RFX8: variants seen among roughly 807,000 people sequenced by gnomAD.
RFX8 encodes the protein DNA-binding protein RFX8.
In RFX8, 46 loss-of-function variants were observed where a neutral mutation model predicts 54.6. That is an observed-to-expected ratio of 0.84 (90% CI 0.67 to 1.08). The LOEUF (loss-of-function observed/expected upper bound fraction) is 1.08. RFX8 is among the 50% of genes least tolerant of loss of function. RFX8 has a pLI of 0.00. For missense variants in RFX8, 536 were observed against 562.3 expected (o/e 0.95, Z 0.47); for synonymous variants, 192 against 209.5 (o/e 0.92, Z 0.72).
intron 9 of RFX8, among the ~76,000 whole-genome samples, chr2:101,409,991 A>G (rs1354209160): frequency 6.6e-6 from 1 of 152,178 alleles, no homozygotes; most frequent in Non-Finnish European, 1.5e-5. Context: ...AAACCTGCCC[A>G]TATCGACAAC....
intron 2 of RFX8, among the ~76,000 whole-genome samples, chr2:101,439,060 G>A (rs1687944349): frequency 6.6e-6 from 1 of 152,146 alleles, no homozygotes; most frequent in South Asian, 2.1e-4. Flanking sequence ...TGATCCACCT[G>A]CCTCAGTCTC....
intron 2 of RFX8, among the ~76,000 whole-genome samples, chr2:101,458,386 C>T (rs1390883892): frequency 6.6e-6 from 1 of 152,168 alleles, no homozygotes; most frequent in African/African-American, 2.4e-5. Context: ...CCTTCAGGAG[C>T]TCTTGTAAGA....
At chr2:101,474,242 C>T in intron 1 of RFX8, 1 of 613,690 alleles carries the variant, frequency 1.6e-6, no homozygotes, top group South Asian at 1.7e-5. Context: ...CTACCCTCGC[C>T]GCTCGACGGC....
chr2:101,422,648 C>A (rs1686933164), intron 2 of RFX8, among the ~76,000 whole-genome samples, 176 bp from the exon 3 acceptor site: 1 of 152,122 alleles, frequency 6.6e-6, no homozygotes, highest in South Asian at 2.1e-4. Context: ...CCAAATGCTG[C>A]TAATTTTTGT....
intron 2 of RFX8, among the ~76,000 whole-genome samples, chr2:101,437,573 C>G (rs1193225153): frequency 2.3e-5 from 3 of 129,988 alleles, no homozygotes; most frequent in Non-Finnish European, 4.9e-5. Flanking sequence ...ACAGGTGTTT[C>G]AAAAAAAAGA....
At chr2:101,398,111 G>C (rs1685226427) in intron 11 of RFX8, among the ~76,000 whole-genome samples, 1 of 152,190 alleles carries the variant, frequency 6.6e-6, no homozygotes, top group Non-Finnish European at 1.5e-5. Context: ...ACCTGCCTCA[G>C]CCTCCCAAAG....
intron 1 of RFX8, among the ~76,000 whole-genome samples, chr2:101,467,908 CAA>C (rs1304797325): frequency 6.6e-6 from 1 of 152,018 alleles, no homozygotes; most frequent in Non-Finnish European, 1.5e-5. Flanking sequence ...AATTTTTAAA[CAA>C]AGAGGAATAT....
At chr2:101,462,305 G>A (rs1011207878) in intron 2 of RFX8, among the ~76,000 whole-genome samples, 24 of 152,108 alleles carry the variant, frequency 1.6e-4, no homozygotes, top group African/African-American at 5.8e-4. Context: ...GGTGGCACAC[G>A]TGTAGTCCCA....
chr2:101,415,620 C>T (rs1413603754), intron 6 of RFX8, among the ~76,000 whole-genome samples: 2 of 11,196 alleles, frequency 1.8e-4, no homozygotes, highest in African/African-American at 3.3e-4. Flanking sequence ...TCCTCTTGAA[C>T]GCATTCATTC....
At chr2:101,443,661 G>A (rs1359974424) in intron 2 of RFX8, among the ~76,000 whole-genome samples, 1 of 152,156 alleles carries the variant, frequency 6.6e-6, no homozygotes, top group Non-Finnish European at 1.5e-5. Context: ...AATGTGGTGG[G>A]TTCCCTGGGT....
intron 7 of RFX8, among the ~76,000 whole-genome samples, chr2:101,414,594 T>C (rs1473319663): frequency 2.0e-5 from 3 of 152,088 alleles, no homozygotes; most frequent in Admixed American, 6.5e-5. Context: ...CTTTTAAGTG[T>C]TGACCTGCCT....
At chr2:101,447,288 G>A (rs1281175052) in intron 2 of RFX8, among the ~76,000 whole-genome samples, 1 of 152,008 alleles carries the variant, frequency 6.6e-6, no homozygotes, top group Non-Finnish European at 1.5e-5. Flanking sequence ...AAACCGCAAG[G>A]CTGAATTTTC....
intron 2 of RFX8, among the ~76,000 whole-genome samples, chr2:101,439,682 C>T (rs1433524029): frequency 1.3e-5 from 2 of 149,720 alleles, no homozygotes; most frequent in Non-Finnish European, 3.0e-5. Flanking sequence ...AATTTTGTAC[C>T]TTTGTCAAAA....
At chr2:101,459,988 G>A (rs1666049164) in intron 2 of RFX8, among the ~76,000 whole-genome samples, 1 of 152,120 alleles carries the variant, frequency 6.6e-6, no homozygotes, top group African/African-American at 2.4e-5. Context: ...CTCGCAGGTC[G>A]ATCTCAGACT....
chr2:101,436,068 C>T (rs1244674687), intron 2 of RFX8, among the ~76,000 whole-genome samples: 1 of 152,128 alleles, frequency 6.6e-6, no homozygotes, highest in African/African-American at 2.4e-5. Context: ...CATCTGTGGG[C>T]ACCCTCTTCT....
chr2:101,474,112 G>A lies in RFX8; in HGVS notation c.-53+524C>T, dbSNP rs115799352. On this transcript the variant is annotated intron_variant, in intron 1 of 11. Transcript: ENST00000428343. ...GCTCCTCACACCCGGCTTTGACCCG[G>A]CGTCCCGAGGGCAGCCGTAGCGGGA... 2.5e-3 allele frequency: 1,331 copies of A among 528,436 alleles called. 18 individuals carry two copies. The highest frequency in any genetic ancestry group is 0.025 in the African/African-American group (1,227 of 49,382). 32.7% of individuals were successfully genotyped at this position (528,436 alleles called of 1,614,324 possible). A position where few individuals can be genotyped will look rare whatever the true frequency, so the allele number is the denominator to read the frequency against.
intron 2 of RFX8, among the ~76,000 whole-genome samples, chr2:101,455,695 G>T (rs971608138): frequency 3.9e-5 from 6 of 152,182 alleles, no homozygotes. Flanking sequence ...TCTTGGCTAT[G>T]CAGGCTCCTT....
In RFX8 at chr2:101,452,279, G is replaced by C; in HGVS notation, c.72+14498C>G. ...GAATTGTGGACACTCTTTGGTAAGA[G>C]TTGTTATTTATAGTTTGTTTTGTTT... is the stretch of plus-strand genomic sequence containing the variant. On this transcript the variant is annotated intron_variant, in intron 2 of 11. Transcript: ENST00000428343. 3 of 606,652 alleles carry C rather than the reference G, an allele frequency of 4.9e-6. 1 individual carries two copies. The highest frequency in any genetic ancestry group is 7.0e-5 in the Admixed American group (2 of 28,708). 37.6% of individuals were successfully genotyped at this position (606,652 alleles called of 1,614,324 possible). A position where few individuals can be genotyped will look rare whatever the true frequency, so the allele number is the denominator to read the frequency against.
intron 10 of RFX8, among the ~76,000 whole-genome samples, chr2:101,403,809 C>T (rs1196407384): frequency 6.6e-6 from 1 of 152,104 alleles, no homozygotes; most frequent in Non-Finnish European, 1.5e-5. Context: ...GAAAAAAGGA[C>T]ATATCAAAGG....
Sources: gnomAD v4.1 joint callset for allele counts (sites outside exome capture counted in the v4.1 genomes callset) on GRCh38, gnomAD v4.1.1 for gene constraint, MANE v1.5 for transcripts, NCBI Gene and HGNC (gene_info 2026-07-23, HGNC 2026-07-21) for gene names.